Variants in MGST1 observed in about 807,000 individuals in gnomAD.
The protein encoded by MGST1 is glutathione S-transferase 12.
Under a neutral mutation model 8.9 loss-of-function variants are expected in MGST1, and 5 were observed. That is an observed-to-expected ratio of 0.56 (90% confidence interval 0.29 to 1.19). The LOEUF is 1.19. Ranked by LOEUF, MGST1 falls within the 50% of genes most tolerant of loss-of-function variation. MGST1 has a pLI of 0.08. For missense variants in MGST1, 182 were observed against 187.4 expected (o/e 0.97, Z 0.17); for synonymous variants, 54 against 67.8 (o/e 0.80, Z 1.00).
chr12:16,519,870 A>G (rs1250850517), intron 4 of MGST1, among the ~76,000 whole-genome samples: 1 of 152,198 alleles, frequency 6.6e-6, no homozygotes, highest in Non-Finnish European at 1.5e-5. Context: ...TAAGCCAGAT[A>G]TCAGTTTGAC....
rs1398988347 is a variant in MGST1, at chr12:16,587,237, C to G, written n.483-2291C>G. ...GAACAAAGTGATTCAGATTAAACAG[C>G]TCTGACTATCCATTTTAAGAAAATC... On this transcript the variant is annotated intron_variant and non_coding_transcript_variant, in intron 4 of 4. Coordinates refer to the MGST1 transcript ENST00000538857. This position sits in a 1 kb window ranked among gnomAD's most constrained non-coding sequence, Gnocchi z 4.3. Among the ~76,000 whole-genome samples the G allele has an allele frequency of 1.3e-5, 2 of 152,178 alleles. No homozygotes were observed. The highest frequency in any genetic ancestry group is 2.4e-5 in the African/African-American group (1 of 41,448).
downstream of MGST1, among the ~76,000 whole-genome samples, chr12:16,441,016 G>C (rs1474750459): frequency 6.6e-6 from 1 of 151,394 alleles, no homozygotes; most frequent in African/African-American, 2.4e-5. Context: ...TATTATCTTT[G>C]GTAAACCACC....
At chr12:16,481,496 T>C (rs1941364187) in intron 4 of MGST1, among the ~76,000 whole-genome samples, 1 of 152,144 alleles carries the variant, frequency 6.6e-6, no homozygotes, top group Non-Finnish European at 1.5e-5. Flanking sequence ...TCTTTAGGTG[T>C]TCTAAAAAGA....
At chr12:16,356,149 A>G (rs1343163015) in intron 2 of MGST1, among the ~76,000 whole-genome samples, 1 of 152,186 alleles carries the variant, frequency 6.6e-6, no homozygotes, top group East Asian at 1.9e-4. Context: ...AGATACTATC[A>G]CATCGAAGAT....
chr12:16,416,330 C>T (rs552156986), intron 1 of MGST1, among the ~76,000 whole-genome samples: 1 of 152,236 alleles, frequency 6.6e-6, no homozygotes, highest in South Asian at 2.1e-4. Flanking sequence ...GGGTCAGATT[C>T]AGCCTTCAAA....
intron 1 of MGST1, among the ~76,000 whole-genome samples, chr12:16,436,108 C>G (rs576009235): frequency 9.2e-5 from 14 of 151,902 alleles, no homozygotes; most frequent in African/African-American, 3.1e-4. Flanking sequence ...TTCCCAAAGT[C>G]TGGGAACTCA....
intron 3 of MGST1, among the ~76,000 whole-genome samples, chr12:16,373,487 T>C (rs1276285142): frequency 1.3e-5 from 2 of 152,046 alleles, no homozygotes; most frequent in Admixed American, 6.6e-5. Context: ...TATAATATGA[T>C]TGTATCAAGA....
rs181117375 is a variant in MGST1, at chr12:16,495,374, C to T, written n.483-94154C>T. ...ACCATTGAGTACTATGCCCAGTACT[C>T]AAATGACGGGATCATTCCTACTCCA... On this transcript the variant is annotated intron_variant and non_coding_transcript_variant, in intron 4 of 4. Coordinates refer to the MGST1 transcript ENST00000538857. Among the ~76,000 whole-genome samples, 492 of 152,134 alleles carry T rather than the reference C, an allele frequency of 3.2e-3. 4 individuals are homozygous for T. Among genetic ancestry groups the T allele is most frequent in the African/African-American group, 0.012 (480 of 41,532 alleles).
At chr12:16,508,220 A>G (rs1941553445) in intron 4 of MGST1, among the ~76,000 whole-genome samples, 2 of 152,018 alleles carry the variant, frequency 1.3e-5, no homozygotes, top group Non-Finnish European at 1.5e-5. Context: ...GAATGAATGG[A>G]TGAATGAATC....
chr12:16,403,444 C>G (rs1940676219), intron 1 of MGST1, among the ~76,000 whole-genome samples: 1 of 151,982 alleles, frequency 6.6e-6, no homozygotes, highest in African/African-American at 2.4e-5. Flanking sequence ...AAATGTTCTG[C>G]AGATGTTCCA....
rs1262617649 is a variant in MGST1, at chr12:16,503,119, G to A, written n.483-86409G>A. 6.6e-6 allele frequency among the ~76,000 whole-genome samples: 1 copy of A among 152,140 alleles called. No homozygotes were observed. The highest frequency in any genetic ancestry group is 1.5e-5 in the Non-Finnish European group (1 of 68,030). On this transcript the variant is annotated intron_variant and non_coding_transcript_variant, in intron 4 of 4. Transcript: ENST00000538857. This position sits in a 1 kb window ranked among gnomAD's most constrained non-coding sequence, Gnocchi z 4.8. ...TGGTGTTAAGAATGAAGAAGGAAAG[G>A]AAAGAAGTTAAAATAGAAGTTTTTA...
At chr12:16,471,233 C>T (rs1045599072) in intron 4 of MGST1, among the ~76,000 whole-genome samples, 6 of 152,194 alleles carry the variant, frequency 3.9e-5, no homozygotes, top group Non-Finnish European at 8.8e-5. Context: ...GACCATTTGT[C>T]TGTCTTGTCT....
chr12:16,476,002 G>C lies in MGST1; in HGVS notation n.482+92398G>C, dbSNP rs117682317. Among the ~76,000 whole-genome samples the C allele has an allele frequency of 5.6e-3, 845 of 152,144 alleles. 6 individuals are homozygous for C. Among genetic ancestry groups the C allele is most frequent in the Non-Finnish European group, 7.2e-3 (487 of 67,990 alleles). The stretch of plus-strand genomic sequence containing the variant: ...TGATCTTGACTAGAAAGAGGAAGTA[G>C]ATTAGCTTCCTCAGTTTCCATTTTC... On this transcript the variant is annotated intron_variant and non_coding_transcript_variant, in intron 4 of 4. Transcript: ENST00000538857.
Position 16,560,501 on chromosome 12 carries a change from T to G in MGST1, n.483-29027T>G, listed in dbSNP as rs1942361121. Reference sequence around the variant, plus strand: ...ACCATCTCAAAGGCAGGGATGAGCTTACTACAGGCAGCGCAGTTTCCCGTT... The same window carrying G: ...ACCATCTCAAAGGCAGGGATGAGCTGACTACAGGCAGCGCAGTTTCCCGTT... On this transcript the variant is annotated intron_variant and non_coding_transcript_variant, in intron 4 of 4. Coordinates refer to the MGST1 transcript ENST00000538857. This position sits in a 1 kb window ranked among gnomAD's most constrained non-coding sequence, Gnocchi z 5.0. The G allele has an allele frequency of 7.4e-6, 12 of 1,613,738 alleles. No homozygotes were observed. The highest frequency in any genetic ancestry group is 8.5e-6 in the Non-Finnish European group (10 of 1,179,878).
At chr12:16,366,105 C>A (rs1268717985), downstream of MGST1, among the ~76,000 whole-genome samples, 1 of 152,042 alleles carries the variant, frequency 6.6e-6, no homozygotes, top group Non-Finnish European at 1.5e-5. The surrounding 1 kb of genome is among the most constrained non-coding windows in gnomAD (Gnocchi z 4.0). Context: ...CATTTAGCTA[C>A]TAATATTTGA....
At chr12:16,524,966 C>T (rs560955289) in intron 4 of MGST1, among the ~76,000 whole-genome samples, 20 of 151,878 alleles carry the variant, frequency 1.3e-4, no homozygotes, top group Admixed American at 2.0e-4. Context: ...CTATAGATGG[C>T]CACTGTTATT....
At chr12:16,352,106 T>G (rs1021965053) in intron 1 of MGST1, among the ~76,000 whole-genome samples, 5 of 152,340 alleles carry the variant, frequency 3.3e-5, no homozygotes, top group Admixed American at 6.5e-5. Flanking sequence ...GCTTAACAAC[T>G]CTAATTCCCT....
chr12:16,514,883 C>G (rs1941601875), intron 4 of MGST1, among the ~76,000 whole-genome samples: 1 of 152,224 alleles, frequency 6.6e-6, no homozygotes, highest in Non-Finnish European at 1.5e-5. Flanking sequence ...CATTGTGGCT[C>G]TAAACAAAAC....
chr12:16,384,258 T>G (rs905643394), intron 1 of MGST1, among the ~76,000 whole-genome samples: 1 of 152,194 alleles, frequency 6.6e-6, no homozygotes, highest in African/African-American at 2.4e-5. Context: ...ATCCAACTTC[T>G]AATCCTTGGA....
Sources: gnomAD v4.1 joint callset for allele counts (sites outside exome capture counted in the v4.1 genomes callset) on GRCh38, gnomAD v4.1.1 for gene constraint, Gnocchi (gnomAD v3.1) non-coding constraint, MANE v1.5 for transcripts, NCBI Gene and HGNC (gene_info 2026-07-23, HGNC 2026-07-21) for gene names.